The following UBXN4 variants were observed in gnomAD, a reference collection of about 807,000 sequenced individuals.
UBXN4 encodes the protein UBX domain-containing protein 4.
In UBXN4, 35 loss-of-function variants were observed where a neutral mutation model predicts 66.2. The observed-to-expected ratio is 0.53, with a 90% CI of 0.40 to 0.70. The LOEUF (loss-of-function observed/expected upper bound fraction) is 0.70, where lower values mean the gene tolerates loss of function less well. UBXN4 is among the 30% of genes least tolerant of loss of function. The pLI, the probability that UBXN4 is intolerant of heterozygous loss-of-function variation, is 0.00. For synonymous variants in UBXN4, 203 were observed against 204.5 expected, an observed-to-expected ratio of 0.99 and a Z score of 0.06; for missense variants, 533 against 599.8, an observed-to-expected ratio of 0.89 and a Z score of 1.16.
intron 7 of UBXN4, 48 bp downstream of exon 7, chr2:135,769,871 T>TGG: frequency 8.0e-7 from 1 of 1,243,236 alleles, no homozygotes; most frequent in Non-Finnish European, 1.1e-6. Context: ...TTAACTGAGG[T>TGG]TGTGATTGAT....
At chr2:135,747,347 TCA>T (rs1491277391) in intron 1 of UBXN4, among the ~76,000 whole-genome samples, 1 of 15,404 alleles carries the variant, frequency 6.5e-5, no homozygotes, top group African/African-American at 2.4e-4. Context: ...AAACTCCATC[TCA>T]AAAAAAAAAA....
chr2:135,744,327 A>G (rs1481190883), intron 1 of UBXN4, among the ~76,000 whole-genome samples: 2 of 152,212 alleles, frequency 1.3e-5, no homozygotes, highest in East Asian at 1.9e-4. Flanking sequence ...TGACATTTTC[A>G]TGGATGAATT....
At chr2:135,772,962 G>A (rs1026119586) in intron 9 of UBXN4, among the ~76,000 whole-genome samples, 9 of 150,246 alleles carry the variant, frequency 6.0e-5, no homozygotes, top group South Asian at 4.2e-4. Flanking sequence ...GCGTGAACCC[G>A]GGAGGCGGAG....
chr2:135,757,396 A>G (rs756965666), intron 5 of UBXN4, among the ~76,000 whole-genome samples: 2 of 152,214 alleles, frequency 1.3e-5, no homozygotes, highest in Non-Finnish European at 2.9e-5. Flanking sequence ...CTCATAAGTT[A>G]CAGAAGTTGT....
chr2:135,781,054 G>C (rs963557160), intron 12 of UBXN4, among the ~76,000 whole-genome samples: 1 of 152,110 alleles, frequency 6.6e-6, no homozygotes, highest in Non-Finnish European at 1.5e-5. Flanking sequence ...GTGAGACCTT[G>C]TCTGTACAAA....
At chr2:135,772,908 G>A (rs1009246301) in intron 9 of UBXN4, among the ~76,000 whole-genome samples, 1 of 152,004 alleles carries the variant, frequency 6.6e-6, no homozygotes, top group Non-Finnish European at 1.5e-5. Flanking sequence ...ATGGTGGCGG[G>A]CGCCTGTAGT....
intron 10 of UBXN4, 51 bp from the exon 11 acceptor site, chr2:135,778,896 TA>T: frequency 1.3e-6 from 2 of 1,531,756 alleles, no homozygotes; most frequent in Admixed American, 4.1e-5. Flanking sequence ...TTCATCTGAG[TA>T]ATATCTTACT....
At chr2:135,780,150 A>G in intron 11 of UBXN4, 33 bp from the exon 12 acceptor site, 1 of 1,603,094 alleles carries the variant, frequency 6.2e-7, no homozygotes, top group Non-Finnish European at 8.5e-7. Flanking sequence ...GTGCTAACGT[A>G]GTCTTTATCT....
chr2:135,782,120 CTTAGA>C (rs2077454480), intron 12 of UBXN4, among the ~76,000 whole-genome samples: 1 of 152,144 alleles, frequency 6.6e-6, no homozygotes, highest in Non-Finnish European at 1.5e-5. Context: ...AGAGAAAGGT[CTTAGA>C]TTAGAGCAAA....
chr2:135,755,427 A>C, intron 4 of UBXN4, 90 bp from the exon 5 acceptor site: 18 of 955,898 alleles, frequency 1.9e-5, no homozygotes, highest in Non-Finnish European at 2.5e-5. Context: ...CTTTTTATAG[A>C]GTATAAATCA....
At chr2:135,753,881 G>C in intron 3 of UBXN4, 1 of 461,426 alleles carries the variant, frequency 2.2e-6, no homozygotes. Flanking sequence ...AATGTTACAA[G>C]TAGCTTGCAA....
At chr2:135,747,776 A>G in intron 1 of UBXN4, 1 of 432,762 alleles carries the variant, frequency 2.3e-6, no homozygotes, top group Non-Finnish European at 4.6e-6. Flanking sequence ...GTGGGATTAC[A>G]GGCATGCGCC....
At chr2:135,747,575 C>A in intron 1 of UBXN4, 1 of 456,120 alleles carries the variant, frequency 2.2e-6, no homozygotes, top group Non-Finnish European at 4.4e-6. Context: ...AGTATAAATG[C>A]TGTGGAGTGG....
chr2:135,743,415 T>C (rs1162316928), intron 1 of UBXN4, among the ~76,000 whole-genome samples: 1 of 152,248 alleles, frequency 6.6e-6, no homozygotes, highest in African/African-American at 2.4e-5. Flanking sequence ...AGTAGGTTTT[T>C]GACATTTTAA....
At chr2:135,759,766 A>ATTTTTTTTTTT (rs10660396) in intron 5 of UBXN4, among the ~76,000 whole-genome samples, 3 of 93,444 alleles carry the variant, frequency 3.2e-5, no homozygotes, top group Non-Finnish European at 4.1e-5. Context: ...TCAATCCAGA[A>ATTTTTTTTTTT]TTTTTTTTTT....
chr2:135,781,421 C>T (rs2077448352), intron 12 of UBXN4, among the ~76,000 whole-genome samples: 1 of 152,202 alleles, frequency 6.6e-6, no homozygotes. Context: ...GAAATGGACA[C>T]CGCTGTTAAG....
chr2:135,769,888 A>C, intron 7 of UBXN4, 65 bp downstream of exon 7: 1 of 1,004,390 alleles, frequency 1.0e-6, no homozygotes, highest in South Asian at 1.6e-5. Flanking sequence ...TGATTATTCT[A>C]TTCAGTGTGG....
intron 1 of UBXN4, among the ~76,000 whole-genome samples, chr2:135,743,948 G>A (rs923815615): frequency 6.6e-6 from 1 of 152,138 alleles, no homozygotes; most frequent in Admixed American, 6.5e-5. Context: ...TTGAATGTTT[G>A]CAGGAAGACT....
At position 135,780,391 on chromosome 2, in the gene UBXN4, T is replaced by C; in HGVS notation, c.1388+6T>C. The C allele has an allele frequency of 6.2e-7, 1 of 1,612,588 alleles. No individual in the cohort carries two copies. Among genetic ancestry groups the C allele is most frequent in the Non-Finnish European group, 8.5e-7 (1 of 1,178,600 alleles). ...TCTAGCAAATCAGAAAAAAGGTATCTGTGTGTGTTTTCCCCATTTATAAAA... is the reference window on the plus strand; with the variant it reads ...TCTAGCAAATCAGAAAAAAGGTATCCGTGTGTGTTTTCCCCATTTATAAAA... On this transcript the variant is annotated splice_donor_region_variant and intron_variant, in intron 12 of 12. Coordinates refer to ENST00000272638, the MANE Select transcript of UBXN4 (RefSeq NM_014607.4).
Sources: gnomAD v4.1 joint callset for allele counts (sites outside exome capture counted in the v4.1 genomes callset) on GRCh38, gnomAD v4.1.1 for gene constraint, MANE v1.5 for transcripts, NCBI Gene and HGNC (gene_info 2026-07-23, HGNC 2026-07-21) for gene names.